MUC12: variants seen among roughly 807,000 people sequenced by gnomAD.
MUC12 encodes mucin-12.
A neutral mutation model predicts 230.8 loss-of-function variants in MUC12; 172 were observed. That is an observed-to-expected ratio of 0.75 (90% confidence interval 0.66 to 0.85). MUC12 has a LOEUF of 0.85. MUC12 is among the 40% of genes least tolerant of loss of function. MUC12 has a pLI of 0.00. For missense variants in MUC12, 3,506 were observed against 5,920.6 expected, an observed-to-expected ratio of 0.59 and a Z score of 13.38; for synonymous variants, 1,259 against 2,401.9, an observed-to-expected ratio of 0.52 and a Z score of 13.91.
In MUC12 at chr7:100,990,749, A is replaced by C; in HGVS notation, c.186A>C (p.Ser62=). Residue 62 remains serine (S), a synonymous_variant, in exon 2 of 12, where the codon TCA becomes TCC. Transcript: ENST00000536621. The part of the protein sequence containing the change: ...YGVSVTFITG[S]TATKHFLDSS... ...TGTCAGTCACATTTATCACGGGCTC[A>C]ACTGCAACAAAACACTTCCTTGACA... 6.5e-7 allele frequency: 1 copy of C among 1,537,900 alleles called. No homozygotes were observed. Among genetic ancestry groups the C allele is most frequent in the Non-Finnish European group, 8.7e-7 (1 of 1,147,054 alleles).
rs1236971452 is a variant in MUC12, at chr7:101,018,587, T to A, written c.15967-8T>A. ...CCTTGGCCTCACCTCTTCTCTCCCG[T>A]CCCCCAGCTCCACATCCAGAGGCCG... On this transcript the variant is annotated splice_region_variant and splice_polypyrimidine_tract_variant and intron_variant, in intron 11 of 11. Transcript: ENST00000536621. The A allele has an allele frequency of 2.6e-6, 4 of 1,535,320 alleles. No homozygotes were observed. The highest frequency in any genetic ancestry group is 3.5e-6 in the Non-Finnish European group (4 of 1,146,076).
Position 100,995,408 on chromosome 7 carries a change from CACA to C in MUC12, c.4849_4851del (p.Thr1617del). Reference sequence around the variant, plus strand: ...CCCACAGCAGCCCAGGCTCCACAGACACAACATTGTCCCCTGGCAGTACCACAG... The same window carrying C: ...CCCACAGCAGCCCAGGCTCCACAGACACATTGTCCCCTGGCAGTACCACAG... On this transcript the variant is annotated inframe_deletion, in exon 2 of 12. Coordinates refer to ENST00000536621, the MANE Select transcript of MUC12 (RefSeq NM_001164462.2). 6.5e-7 allele frequency: 1 copy of C among 1,534,498 alleles called. No individual in the cohort carries two copies.
chr7:101,008,994 C>G, intron 4 of MUC12, 101 bp from the exon 5 acceptor site: 1 of 1,388,000 alleles, frequency 7.2e-7, no homozygotes, highest in Non-Finnish European at 9.9e-7. Flanking sequence ...GGGAGCTTAC[C>G]TGGGCTCCAC....
rs973931460 is a variant in MUC12 at position 101,004,817 on chromosome 7, C to G, written c.14254C>G (p.Leu4752Val). ...TAGCTCCAGATCACCAGACCAAACA[C>G]TCTCACCTGCCAGCATGACAAGCTC... is the stretch of plus-strand genomic sequence containing the variant. ...YSSSRSPDQT[L>V]SPASMTSSSI... Residue 4752 changes from leucine to valine, a missense_variant, in exon 2 of 12, where the codon CTC becomes GTC. Physicochemically the swap from Leu to Val is conservative, Grantham distance 32 (BLOSUM62 1). Coordinates refer to ENST00000536621, the MANE Select transcript of MUC12 (RefSeq NM_001164462.2). The G allele has an allele frequency of 4.6e-6, 7 of 1,537,680 alleles. No homozygotes were observed. Among genetic ancestry groups the G allele is most frequent in the Non-Finnish European group, 6.1e-6 (7 of 1,146,970 alleles).
At chr7:100,969,821 G>C (rs1274835072) in intron 1 of MUC12, 132 bp downstream of exon 1, 5 of 1,339,712 alleles carry the variant, frequency 3.7e-6, no homozygotes, top group Admixed American at 4.1e-5. Flanking sequence ...CAGGGCTGGA[G>C]ACCCGTGCTG....
Position 101,004,594 on chromosome 7 carries a change from C to A in MUC12, c.14031C>A (p.Ser4677=), listed in dbSNP as rs11766048. The change falls in exon 2 of 12, where the codon TCC becomes TCA. Residue 4677 remains serine (S), a synonymous_variant. Transcript: ENST00000536621. ...TTHFPESSTT[S]GRSEESTASH... ...ACTTTCCTGAGAGCTCCACAACCTCCGGCCGTAGTGAGGAATCAACAGCAT... is the reference window on the plus strand; with the variant it reads ...ACTTTCCTGAGAGCTCCACAACCTCAGGCCGTAGTGAGGAATCAACAGCAT... 1,008,560 of 1,536,964 alleles carry A rather than the reference C, an allele frequency of 0.66. 332,556 individuals are homozygous for A. The highest frequency in any genetic ancestry group is 0.7 in the African/African-American group (50,963 of 72,874).
chr7:101,003,444 C>G lies in MUC12; in HGVS notation c.12881C>G (p.Ser4294Ter). The G allele has an allele frequency of 6.6e-7, 1 of 1,506,964 alleles. No individual in the cohort carries two copies. 93.3% of individuals were successfully genotyped at this position (1,506,964 alleles called of 1,614,324 possible). The change falls in exon 2 of 12, where the codon TCA (serine) becomes TGA (stop). Residue 4294 changes from serine (S) to a stop codon, truncating the protein, a stop_gained. Coordinates refer to ENST00000536621, the MANE Select transcript of MUC12 (RefSeq NM_001164462.2). LOFTEE classifies it high-confidence loss of function. ...TTLLPDNTTA[S>*]GLLEASTPVH... is the part of the protein sequence containing the mutation. The stretch of plus-strand genomic sequence containing the variant: ...CTCTTACCTGACAACACCACAGCCT[C>G]AGGCCTCCTTGAAGCATCTACACCC...
intron 1 of MUC12, 104 bp downstream of exon 1, chr7:100,969,793 C>G (rs1254237935): frequency 1.4e-6 from 2 of 1,476,126 alleles, no homozygotes; most frequent in Non-Finnish European, 1.8e-6. Flanking sequence ...CTCCCCTTTG[C>G]ATGGCAAGGG....
Position 101,009,138 on chromosome 7 carries a change from G to T in MUC12, c.15230G>T (p.Gly5077Val). Residue 5077 changes from glycine (G) to valine (V), a missense_variant, in exon 5 of 12, where the codon GGG becomes GTG. Gly to Val is a moderately radical substitution (Grantham distance 109). Transcript: ENST00000536621. ...GGCGACAATCTTCCTCAGTATAGAGGGGTGAACATTCGGAGATTGCTGTGA... is the reference window on the plus strand; with the variant it reads ...GGCGACAATCTTCCTCAGTATAGAGTGGTGAACATTCGGAGATTGCTGTGA... ...LKGDNLPQYR[G>V]VNIRRLLNGS... 1 of 1,537,920 alleles carries T rather than the reference G, an allele frequency of 6.5e-7. No individual in the cohort carries two copies.
In MUC12 at chr7:100,991,969, C is replaced by G. The variant is rs201703872; in HGVS notation, c.1406C>G (p.Pro469Arg). The G allele has an allele frequency of 3.3e-6, 5 of 1,537,802 alleles. No homozygotes were observed. The African/African-American group carries it at 5.5e-5, about 17-fold the overall frequency. The change falls in exon 2 of 12, where the codon CCC becomes CGC. Residue 469 changes from proline to arginine, a missense_variant. Coordinates refer to ENST00000536621, the MANE Select transcript of MUC12 (RefSeq NM_001164462.2). ...CTTGTTGGAGACTCGACGCCCTCACCCATCAGTTCAGGCTCAATGGAAACC... is the reference window on the plus strand; with the variant it reads ...CTTGTTGGAGACTCGACGCCCTCACGCATCAGTTCAGGCTCAATGGAAACC... ...SVLVGDSTPS[P>R]ISSGSMETTA...
chr7:100,987,928 G>A (rs1168673660), intron 1 of MUC12, among the ~76,000 whole-genome samples: 2 of 150,000 alleles, frequency 1.3e-5, no homozygotes, highest in Admixed American at 6.7e-5. Flanking sequence ...CCAAGATCAC[G>A]CCACTGCACT....
Position 101,001,154 on chromosome 7 carries a change from A to G in MUC12, c.10591A>G (p.Thr3531Ala). 1 of 1,099,728 alleles carries G rather than the reference A, an allele frequency of 9.1e-7. No individual in the cohort carries two copies. The highest frequency in any genetic ancestry group is 1.3e-6 in the Non-Finnish European group (1 of 776,800). 68.1% of individuals were successfully genotyped at this position (1,099,728 alleles called of 1,614,324 possible). A position where few individuals can be genotyped will look rare whatever the true frequency, so the allele number is the denominator to read the frequency against. ...TSHSSPGSTDTTLLPASTTTS... is the reference protein window; with the variant it reads ...TSHSSPGSTDATLLPASTTTS... The stretch of plus-strand genomic sequence containing the variant: ...CCACAGCAGCCCAGGCTCAACGGAT[A>G]CAACACTGTTACCTGCCAGCACCAC... The change falls in exon 2 of 12, where the codon ACA (threonine) becomes GCA (alanine). Residue 3531 changes from threonine (T) to alanine (A), a missense_variant. By Grantham distance (58) the Thr-to-Ala change is moderately conservative. Coordinates refer to ENST00000536621, the MANE Select transcript of MUC12 (RefSeq NM_001164462.2).
chr7:100,990,737 T>C lies in MUC12; in HGVS notation c.174T>C (p.Phe58=), dbSNP rs1472626107. 4 of 1,537,870 alleles carry C rather than the reference T, an allele frequency of 2.6e-6. No individual in the cohort carries two copies. The highest frequency in any genetic ancestry group is 3.5e-6 in the Non-Finnish European group (4 of 1,147,048). Reference sequence around the variant, plus strand: ...GTGACTATGGGGTGTCAGTCACATTTATCACGGGCTCAACTGCAACAAAAC... The same window carrying C: ...GTGACTATGGGGTGTCAGTCACATTCATCACGGGCTCAACTGCAACAAAAC... ...TFSDYGVSVT[F]ITGSTATKHF... Residue 58 remains phenylalanine, a synonymous_variant, in exon 2 of 12, where the codon TTT becomes TTC. Transcript: ENST00000536621.
chr7:101,013,723 C>A (rs984225973), intron 8 of MUC12, among the ~76,000 whole-genome samples, 190 bp from the exon 9 acceptor site: 3 of 152,182 alleles, frequency 2.0e-5, no homozygotes, highest in African/African-American at 7.2e-5. Flanking sequence ...TCTGCAGTCT[C>A]CAGGTCCCCC....
chr7:101,017,783 CTT>C, intron 11 of MUC12, 120 bp downstream of exon 11: 1 of 619,022 alleles, frequency 1.6e-6, no homozygotes, highest in South Asian at 2.1e-5. Context: ...GACTCCCTCC[CTT>C]CCCCCTGGGA....
At chr7:101,006,792 A>AT (rs1368541766) in intron 3 of MUC12, among the ~76,000 whole-genome samples, 3 of 151,942 alleles carry the variant, frequency 2.0e-5, no homozygotes, top group South Asian at 2.1e-4. Flanking sequence ...TTAATTTTTA[A>AT]TTTTTAGGGG....
In MUC12 at chr7:100,984,259, CTT is replaced by C. The variant is rs34134351; in HGVS notation, c.68-6356_68-6355del. Among the ~76,000 whole-genome samples the C allele has an allele frequency of 3.7e-3, 521 of 139,596 alleles. 2 individuals are homozygous for C. Among genetic ancestry groups the C allele is most frequent in the Admixed American group, 8.6e-3 (120 of 13,900 alleles). 91.6% of individuals were successfully genotyped at this position (139,596 alleles called of 152,430 possible). ...AGCATCAGTTTGGTGTACTTTGCAT[CTT>C]TTTTTTTTTTTTTTTGACAGAGTCT... On this transcript the variant is annotated intron_variant, in intron 1 of 11. Transcript: ENST00000536621.
In MUC12 at chr7:101,002,918, T is replaced by C. The variant is rs181671450; in HGVS notation, c.12355T>C (p.Phe4119Leu). 234,127 of 1,093,336 alleles carry C rather than the reference T, an allele frequency of 0.21. 6,576 individuals are homozygous for C. The highest frequency in any genetic ancestry group is 0.27 in the African/African-American group (13,846 of 51,128). 67.7% of individuals were successfully genotyped at this position (1,093,336 alleles called of 1,614,324 possible). ...SRPSSTPTTH[F>L]SASSTTLGRS... ...CCCGAGCTCAACTCCAACAACACAC[T>C]TTTCTGCCAGTTCCACAACCTTGGG... Residue 4119 changes from phenylalanine to leucine, a missense_variant, in exon 2 of 12, where the codon TTT (phenylalanine) becomes CTT (leucine). By Grantham distance (22) the Phe-to-Leu change is conservative. Transcript: ENST00000536621.
chr7:100,991,744 C>T lies in MUC12; in HGVS notation c.1181C>T (p.Thr394Ile). The part of the protein sequence containing the change: ...EESATFHGST[T>I]HTKSSTPSTT... Reference sequence around the variant, plus strand: ...TCAGCAACTTTCCACGGCAGCACAACACACACAAAATCTTCAACTCCTAGC... The same window carrying T: ...TCAGCAACTTTCCACGGCAGCACAATACACACAAAATCTTCAACTCCTAGC... The change falls in exon 2 of 12, where the codon ACA becomes ATA. Residue 394 changes from threonine (T) to isoleucine (I), a missense_variant. Thr to Ile is a moderately conservative substitution (Grantham distance 89, BLOSUM62 -1). Transcript: ENST00000536621. 1.3e-6 allele frequency: 2 copies of T among 1,537,988 alleles called. No individual in the cohort carries two copies. Among genetic ancestry groups the T allele is most frequent in the African/African-American group, 2.7e-5 (2 of 73,176 alleles).
Sources: gnomAD v4.1 joint callset for allele counts (sites outside exome capture counted in the v4.1 genomes callset) on GRCh38, gnomAD v4.1.1 for gene constraint, MANE v1.5 for transcripts, NCBI Gene and HGNC (gene_info 2026-07-23, HGNC 2026-07-21) for gene names.